FAM50A: variants seen among roughly 807,000 people sequenced by gnomAD.
The protein encoded by FAM50A is family with sequence similarity 50 member A.
A neutral mutation model predicts 35.5 loss-of-function variants in FAM50A; 6 were observed. The ratio of observed to expected loss-of-function variants is 0.17; its 90% CI spans 0.09 to 0.33. The LOEUF (loss-of-function observed/expected upper bound fraction) is 0.33, where lower values mean the gene tolerates loss of function less well. FAM50A is among the 10% of genes least tolerant of loss of function. The probability of loss-of-function intolerance (pLI) is 1.00; values close to 1 mark genes in which losing one functional copy is unlikely to be tolerated. For synonymous variants in FAM50A, 120 were observed against 110.9 expected (o/e 1.08, Z -0.52); for missense variants, 145 against 295.5 (o/e 0.49, Z 3.73).
At chrX:154,447,253 C>T (rs1215880361) in intron 4 of FAM50A, among the ~76,000 whole-genome samples, 14 of 112,042 alleles carry the variant, frequency 1.2e-4, no homozygotes, top group African/African-American at 4.2e-4. Flanking sequence ...CTTTTCAAAA[C>T]GTTTGAAGAT....
At chrX:154,449,092 TG>T in intron 7 of FAM50A, 128 bp from the exon 8 acceptor site, 1 of 883,485 alleles carries the variant, frequency 1.1e-6, no homozygotes. Context: ...GCCCCCTGTC[TG>T]GGGAGTGAGG....
intron 4 of FAM50A, among the ~76,000 whole-genome samples, chrX:154,447,740 C>A (rs114651828): frequency 0.075 from 8,321 of 111,066 alleles, 768 homozygotes; most frequent in African/African-American, 0.26. Context: ...TCAAGGGACC[C>A]TCCCACCTCA....
chrX:154,444,320 G>C lies in FAM50A; in HGVS notation c.85G>C (p.Glu29Gln). The C allele has an allele frequency of 8.9e-7, 1 of 1,120,983 alleles. No homozygotes were observed. The highest frequency in any genetic ancestry group is 1.2e-6 in the Non-Finnish European group (1 of 848,303). The allele number at this position is 1,120,983 out of a possible 1,213,427, so 92.4% of individuals were successfully genotyped here. A position where few individuals can be genotyped will look rare whatever the true frequency, so the allele number is the denominator to read the frequency against. The change falls in exon 1 of 13, where the codon GAG becomes CAG. Residue 29 changes from glutamate to glutamine, a missense_variant. By Grantham distance (29) the Glu-to-Gln change is conservative. Around this residue, in one of 5 missense-constraint regions of FAM50A, gnomAD observed 19 missense variants for 16.3 expected, o/e 1.17. Transcript: ENST00000393600. Reference protein sequence around the residue: ...KKREKQREQMEQMKQRIAEEN... With the variant: ...KKREKQREQMQQMKQRIAEEN... ...GCGGGAGAAGCAGCGCGAGCAGATG[G>C]AGCAGATGAAGCAGCGCATCGCGGA...
chrX:154,448,807 C>A, intron 6 of FAM50A, 51 bp downstream of exon 6: 1 of 1,196,273 alleles, frequency 8.4e-7, no homozygotes. Flanking sequence ...AGCCAGCTTC[C>A]CTGTCCACAG....
intron 4 of FAM50A, 144 bp from the exon 5 acceptor site, chrX:154,448,340 T>A (rs964635921): frequency 6.1e-6 from 3 of 491,058 alleles, no homozygotes; most frequent in Non-Finnish European, 1.1e-5. Flanking sequence ...AGTGTTGGGT[T>A]GACAAGCGTG....
chrX:154,448,072 C>CTTTTTTTTT (rs781847663), intron 4 of FAM50A, among the ~76,000 whole-genome samples: 6 of 82,852 alleles, frequency 7.2e-5, no homozygotes, highest in African/African-American at 1.1e-4. Context: ...TTTTTTCTTT[C>CTTTTTTTTT]TTTTTTTTTT....
rs375558781 is a variant in FAM50A at position 154,448,944 on chromosome X, G to A, written c.638G>A (p.Arg213Gln). 4.1e-6 allele frequency: 5 copies of A among 1,207,602 alleles called. No homozygotes were observed. Among genetic ancestry groups the A allele is most frequent in the African/African-American group, 1.7e-5 (1 of 57,288 alleles). Residue 213 changes from arginine (R) to glutamine (Q), a missense_variant, in exon 7 of 13, where the codon CGG (arginine) becomes CAG (glutamine). This residue lies in a region of FAM50A where 59 missense variants were observed against 164.5 expected (regional missense o/e 0.36). Coordinates refer to ENST00000393600, the MANE Select transcript of FAM50A (RefSeq NM_004699.4). ...TACTGGGATGGCTCTGGGCACCGGC[G>A]GACAGTCAAGGTAGGCAGCGTGCAG... is the stretch of plus-strand genomic sequence containing the variant. ...FSYWDGSGHR[R>Q]TVKMRKGNTM...
chrX:154,446,646 C>G (rs1041528516), intron 4 of FAM50A, 86 bp downstream of exon 4: 8 of 1,092,079 alleles, frequency 7.3e-6, no homozygotes, highest in Non-Finnish European at 9.6e-6. Flanking sequence ...AGCTGATGCC[C>G]TGTCAAGATG....
chrX:154,445,431 G>T, intron 1 of FAM50A: 1 of 448,680 alleles, frequency 2.2e-6, no homozygotes, highest in Admixed American at 3.8e-5. Context: ...CCCAGCAGGA[G>T]ACCTGAAGAG....
intron 11 of FAM50A, 40 bp downstream of exon 11, chrX:154,450,139 C>T: frequency 8.3e-7 from 1 of 1,202,932 alleles, no homozygotes; most frequent in Non-Finnish European, 1.1e-6. Flanking sequence ...ACGGGTGTCC[C>T]TGGGCTATGG....
intron 4 of FAM50A, among the ~76,000 whole-genome samples, chrX:154,448,223 C>T (rs2068789923): frequency 1.8e-5 from 2 of 108,173 alleles, no homozygotes; most frequent in Non-Finnish European, 3.8e-5. Context: ...TGCGCCACCA[C>T]ACCCGGCTGA....
intron 6 of FAM50A, 55 bp from the exon 7 acceptor site, chrX:154,448,838 G>A: frequency 8.4e-7 from 1 of 1,193,707 alleles, no homozygotes; most frequent in Non-Finnish European, 1.1e-6. Flanking sequence ...GGTGCGCTGA[G>A]CCCCAAGGCT....
Position 154,449,313 on chromosome X carries a change from G to A in FAM50A, c.725+16G>A, listed in dbSNP as rs782277025. 1 of 1,167,392 alleles carries A rather than the reference G, an allele frequency of 8.6e-7. No individual in the cohort carries two copies. The highest frequency in any genetic ancestry group is 1.2e-6 in the Non-Finnish European group (1 of 854,447). On this transcript the variant is annotated intron_variant, in intron 8 of 12. Transcript: ENST00000393600. ...GTGAGCTGAGGTGTGAGGTGTGCGT[G>A]TGTGCACGGTGGTGTGTGTGGCACC...
Position 154,448,904 on chromosome X carries a change from G to T in FAM50A, c.598G>T (p.Glu200Ter). Residue 200 changes from glutamate (E) to a stop codon, truncating the protein, a stop_gained, in exon 7 of 13, where the codon GAG becomes TAG. Transcript: ENST00000393600. LOFTEE classifies it high-confidence loss of function. ...KQEKIKSEEI[E>*]ITFSYWDGSG... Reference sequence around the variant, plus strand: ...GCTCTGCCTTGTAGGTGAGGAGATCGAGATCACCTTCAGCTACTGGGATGG... The same window carrying T: ...GCTCTGCCTTGTAGGTGAGGAGATCTAGATCACCTTCAGCTACTGGGATGG... The T allele has an allele frequency of 8.3e-7, 1 of 1,210,925 alleles. No individual in the cohort carries two copies. Among genetic ancestry groups the T allele is most frequent in the Non-Finnish European group, 1.1e-6 (1 of 894,548 alleles).
intron 8 of FAM50A, 81 bp from the exon 9 acceptor site, chrX:154,449,600 C>A: frequency 1.1e-6 from 1 of 878,696 alleles, no homozygotes; most frequent in Non-Finnish European, 1.6e-6. Context: ...CCAGCATGGG[C>A]TCTCCTGGGC....
At position 154,449,676 on chromosome X, in the gene FAM50A, C is replaced by T. The variant is rs199785574; in HGVS notation, c.726-5C>T. On this transcript the variant is annotated splice_polypyrimidine_tract_variant and splice_region_variant and intron_variant, in intron 8 of 12. Coordinates refer to ENST00000393600, the MANE Select transcript of FAM50A (RefSeq NM_004699.4). The stretch of plus-strand genomic sequence containing the variant: ...TGCCCACGCCCTCCTGCCTTCCTCC[C>T]TCAGGTCCGCAGGGGTGGAGCAGCT... The T allele has an allele frequency of 8.3e-7, 1 of 1,208,094 alleles. No individual in the cohort carries two copies. Among genetic ancestry groups the T allele is most frequent in the East Asian group, 3.0e-5 (1 of 33,758 alleles).
intron 4 of FAM50A, among the ~76,000 whole-genome samples, chrX:154,447,132 A>G (rs966481045): frequency 1.1e-4 from 12 of 112,354 alleles, no homozygotes; most frequent in Admixed American, 8.5e-4. Flanking sequence ...CCCAGGGGTC[A>G]AGGAAGGAGG....
chrX:154,449,091 C>T, intron 7 of FAM50A, 130 bp from the exon 8 acceptor site: 1 of 885,543 alleles, frequency 1.1e-6, no homozygotes, highest in African/African-American at 2.0e-5. Context: ...GGCCCCCTGT[C>T]TGGGGAGTGA....
At chrX:154,448,614 C>G in intron 5 of FAM50A, 54 bp downstream of exon 5, 3 of 1,186,399 alleles carry the variant, frequency 2.5e-6, no homozygotes, top group Non-Finnish European at 3.4e-6. Context: ...GGTGGAGACC[C>G]TTGCTTAGGG....
Sources: gnomAD v4.1 joint callset for allele counts (sites outside exome capture counted in the v4.1 genomes callset) on GRCh38, gnomAD v4.1.1 for gene constraint, gnomAD v4.1.1 regional missense constraint, MANE v1.5 for transcripts, NCBI Gene and HGNC (gene_info 2026-07-23, HGNC 2026-07-21) for gene names.